Variants in CEACAM5 observed in about 807,000 individuals in gnomAD.
CEACAM5 encodes cell adhesion molecule CEACAM5.
Under a neutral mutation model 63.0 loss-of-function variants are expected in CEACAM5, and 52 were observed. The observed-to-expected ratio is 0.83, with a 90% confidence interval of 0.66 to 1.04. The LOEUF is 1.04. Among genes scored for constraint, CEACAM5 ranks in the 50% least tolerant of loss-of-function variants. The probability of loss-of-function intolerance (pLI) is 0.00; values close to 1 mark genes in which losing one functional copy is unlikely to be tolerated. For missense variants in CEACAM5, 790 were observed against 864.8 expected (o/e 0.91, Z 1.08); for synonymous variants, 357 against 351.3 (o/e 1.02, Z -0.18).
In CEACAM5 at chr19:41,730,280, G is replaced by A. The variant is rs1472203064; in HGVS notation, c.*1133G>A. ...CTAAAAATACAAAAAAAGTTAGCCG[G>A]GCGTGGTGGTGGGGGCCTGTAGTCC... is the stretch of plus-strand genomic sequence containing the variant. On this transcript the variant is annotated 3_prime_UTR_variant, in exon 10 of 10. Transcript: ENST00000221992. Among the ~76,000 whole-genome samples, 1 of 152,040 alleles carries A rather than the reference G, an allele frequency of 6.6e-6. No homozygotes were observed. Among genetic ancestry groups the A allele is most frequent in the African/African-American group, 2.4e-5 (1 of 41,406 alleles).
At chr19:41,727,207 CTT>C in intron 8 of CEACAM5, 25 bp from the exon 9 acceptor site, 1 of 1,569,624 alleles carries the variant, frequency 6.4e-7, no homozygotes, top group Non-Finnish European at 8.8e-7. Flanking sequence ...CATTCCTTCT[CTT>C]TTCTTTCCAT....
At chr19:41,709,564 A>ACACACT (rs1309867435) in intron 1 of CEACAM5, 116 bp from the exon 2 acceptor site, 2 of 1,348,384 alleles carry the variant, frequency 1.5e-6, no homozygotes, top group Non-Finnish European at 2.0e-6. Context: ...ACACACACAC[A>ACACACT]CACTCACTCA....
Position 41,720,190 on chromosome 19 carries a change from G to A in CEACAM5, c.1753G>A (p.Val585Ile), listed in dbSNP as rs782374981. Residue 585 changes from valine (V) to isoleucine (I), a missense_variant, in exon 7 of 10, where the codon GTC (valine) becomes ATC (isoleucine). Transcript: ENST00000221992. Reference protein sequence around the residue: ...NSVSANRSDPVTLDVLYGPDT... With the variant: ...NSVSANRSDPITLDVLYGPDT... ...AGTGAGTGCAAACCGCAGTGACCCA[G>A]TCACCCTGGATGTCCTCTGTGAGTA... The A allele has an allele frequency of 8.7e-6, 14 of 1,614,036 alleles. No individual in the cohort carries two copies. In the South Asian group the frequency reaches 1.5e-4, roughly 18 times the overall value.
chr19:41,708,869 C>T (rs782342901), intron 1 of CEACAM5, 74 bp downstream of exon 1: 18 of 1,099,228 alleles, frequency 1.6e-5, no homozygotes, highest in East Asian at 1.3e-4. Context: ...GGCTGTGAGA[C>T]GGACAGAGGG....
chr19:41,718,304 A>G lies in CEACAM5; in HGVS notation c.1414A>G (p.Ser472Gly). ...TATCTCCAACATCACTGAGAAGAAC[A>G]GCGGACTCTATACCTGCCAGGCCAA... is the stretch of plus-strand genomic sequence containing the variant. ...LFISNITEKN[S>G]GLYTCQANNS... The change falls in exon 6 of 10, where the codon AGC (serine) becomes GGC (glycine). Residue 472 changes from serine to glycine, a missense_variant. Coordinates refer to ENST00000221992, the MANE Select transcript of CEACAM5 (RefSeq NM_004363.6). 3 of 1,614,196 alleles carry G rather than the reference A, an allele frequency of 1.9e-6. No homozygotes were observed. The highest frequency in any genetic ancestry group is 1.7e-6 in the Non-Finnish European group (2 of 1,180,018).
chr19:41,723,032 C>T (rs530320438), intron 8 of CEACAM5, among the ~76,000 whole-genome samples: 2 of 152,010 alleles, frequency 1.3e-5, no homozygotes, highest in Non-Finnish European at 2.9e-5. Flanking sequence ...CTCAGCCTCC[C>T]GAGTAGCTGG....
At position 41,716,051 on chromosome 19, in the gene CEACAM5, A is replaced by G. The variant is rs376767461; in HGVS notation, c.958+147A>G. ...GATTCTCCCACTGAACCTCCCCAAT[A>G]TGTCTCTACAGACTCTTTTCTTCTT... On this transcript the variant is annotated intron_variant, in intron 4 of 9. Transcript: ENST00000221992. 3.9e-5 allele frequency: 34 copies of G among 867,502 alleles called. No individual in the cohort carries two copies. The African/African-American group carries it at 4.4e-4, about 11-fold the overall frequency. 53.7% of individuals were successfully genotyped at this position (867,502 alleles called of 1,614,324 possible).
Position 41,724,822 on chromosome 19 carries a change from C to T in CEACAM5, c.2027-2412C>T, listed in dbSNP as rs116484561. On this transcript the variant is annotated intron_variant, in intron 8 of 9. Transcript: ENST00000221992. Reference sequence around the variant, plus strand: ...GATGTTTGCGTGTTGATTTTGTATCCTGCAACATCACTGAATTTATTTATT... The same window carrying T: ...GATGTTTGCGTGTTGATTTTGTATCTTGCAACATCACTGAATTTATTTATT... Among the ~76,000 whole-genome samples, 675 of 152,210 alleles carry T rather than the reference C, an allele frequency of 4.4e-3. 5 individuals carry two copies. The highest frequency in any genetic ancestry group is 0.015 in the African/African-American group (625 of 41,512).
chr19:41,720,500 CTTTTTTTTTTTTT>C (rs10713199), intron 7 of CEACAM5, among the ~76,000 whole-genome samples: 1 of 96,052 alleles, frequency 1.0e-5, no homozygotes, highest in African/African-American at 4.1e-5. Context: ...ATGGTTTGGA[CTTTTTTTTTTTTT>C]TTTTTTTTTT....
At chr19:41,728,065 G>A (rs1294891282) in intron 9 of CEACAM5, among the ~76,000 whole-genome samples, 1 of 152,168 alleles carries the variant, frequency 6.6e-6, no homozygotes. Context: ...AAAGACTGTA[G>A]CATTAACCTG....
intron 8 of CEACAM5, 102 bp from the exon 9 acceptor site, chr19:41,727,132 A>C: frequency 1.1e-6 from 1 of 876,634 alleles, no homozygotes; most frequent in Non-Finnish European, 2.0e-6. Context: ...TGAAGCAACA[A>C]GTAGAGACTG....
At chr19:41,713,630 A>C (rs1293015170) in intron 2 of CEACAM5, among the ~76,000 whole-genome samples, 9 of 152,188 alleles carry the variant, frequency 5.9e-5, no homozygotes, top group African/African-American at 2.2e-4. Flanking sequence ...CTGATTCCAC[A>C]AGTGTGACTA....
chr19:41,715,165 A>G lies in CEACAM5; in HGVS notation c.619A>G (p.Arg207Gly). Residue 207 changes from arginine to glycine, a missense_variant, in exon 3 of 10, where the codon AGA (arginine) becomes GGA (glycine). Transcript: ENST00000221992. The stretch of plus-strand genomic sequence containing the variant: ...GACCCTCACTCTATTCAATGTCACA[A>G]GAAATGACACAGCAAGCTACAAATG... ...NRTLTLFNVT[R>G]NDTASYKCET... is the part of the protein sequence containing the mutation. 5 of 1,614,242 alleles carry G rather than the reference A, an allele frequency of 3.1e-6. No homozygotes were observed. The highest frequency in any genetic ancestry group is 4.2e-6 in the Non-Finnish European group (5 of 1,180,036).
chr19:41,708,989 C>T (rs562323116), intron 1 of CEACAM5, among the ~76,000 whole-genome samples, 194 bp downstream of exon 1: 1 of 152,350 alleles, frequency 6.6e-6, no homozygotes, highest in East Asian at 1.9e-4. Flanking sequence ...CTCAAGAGTT[C>T]TATTTTCCTA....
intron 8 of CEACAM5, among the ~76,000 whole-genome samples, chr19:41,724,277 A>G (rs2072668260): frequency 6.6e-6 from 1 of 152,218 alleles, no homozygotes; most frequent in African/African-American, 2.4e-5. Context: ...TCATTTGGCC[A>G]TATATGCAAG....
At position 41,709,854 on chromosome 19, in the gene CEACAM5, T is replaced by C. The variant is rs201527439; in HGVS notation, c.239T>C (p.Ile80Thr). 560 of 1,613,934 alleles carry C rather than the reference T, an allele frequency of 3.5e-4. No homozygotes were observed. Among genetic ancestry groups the C allele is most frequent in the Non-Finnish European group, 4.5e-4 (533 of 1,180,014 alleles). The change falls in exon 2 of 10, where the codon ATA (isoleucine) becomes ACA (threonine). Residue 80 changes from isoleucine (I) to threonine (T), a missense_variant. Ile to Thr is a moderately conservative substitution (Grantham distance 89). Coordinates refer to ENST00000221992, the MANE Select transcript of CEACAM5 (RefSeq NM_004363.6). ...GERVDGNRQI[I>T]GYVIGTQQAT... is the part of the protein sequence containing the mutation. The stretch of plus-strand genomic sequence containing the variant: ...AGAGTGGATGGCAACCGTCAAATTA[T>C]AGGATATGTAATAGGAACTCAACAA...
chr19:41,715,100 T>G lies in CEACAM5; in HGVS notation c.554T>G (p.Leu185Arg). 1.2e-6 allele frequency: 2 copies of G among 1,614,134 alleles called. No individual in the cohort carries two copies. Among genetic ancestry groups the G allele is most frequent in the Admixed American group, 3.3e-5 (2 of 60,020 alleles). ...TYLWWVNNQS[L>R]PVSPRLQLSN... Reference sequence around the variant, plus strand: ...CTGTGGTGGGTAAACAATCAGAGCCTCCCGGTCAGTCCCAGGCTGCAGCTG... The same window carrying G: ...CTGTGGTGGGTAAACAATCAGAGCCGCCCGGTCAGTCCCAGGCTGCAGCTG... Residue 185 changes from leucine to arginine, a missense_variant, in exon 3 of 10, where the codon CTC (leucine) becomes CGC (arginine). Physicochemically the swap from Leu to Arg is moderately radical, Grantham distance 102 (BLOSUM62 -2). Coordinates refer to ENST00000221992, the MANE Select transcript of CEACAM5 (RefSeq NM_004363.6).
chr19:41,727,117 T>G lies in CEACAM5; in HGVS notation c.2027-117T>G, dbSNP rs556111909. 22 of 818,750 alleles carry G rather than the reference T, an allele frequency of 2.7e-5. No individual in the cohort carries two copies. In the South Asian group the frequency reaches 2.7e-4, roughly 10 times the overall value. The allele number at this position is 818,750 out of a possible 1,614,324, so 50.7% of individuals were successfully genotyped here. A position where few individuals can be genotyped will look rare whatever the true frequency, so the allele number is the denominator to read the frequency against. The stretch of plus-strand genomic sequence containing the variant: ...GCAACTTTCCCACAAAACTAATGCA[T>G]TCCTTGAAGCAACAAGTAGAGACTG... On this transcript the variant is annotated intron_variant, in intron 8 of 9. Transcript: ENST00000221992.
intron 2 of CEACAM5, among the ~76,000 whole-genome samples, chr19:41,711,431 A>G (rs2072434043): frequency 6.6e-6 from 1 of 152,158 alleles, no homozygotes; most frequent in South Asian, 2.1e-4. Context: ...GGGGGGAATG[A>G]GTGAAGGAAT....
Sources: gnomAD v4.1 joint callset for allele counts (sites outside exome capture counted in the v4.1 genomes callset) on GRCh38, gnomAD v4.1.1 for gene constraint, MANE v1.5 for transcripts, NCBI Gene and HGNC (gene_info 2026-07-23, HGNC 2026-07-21) for gene names.